CALN1: variants seen among roughly 807,000 people sequenced by gnomAD.
The protein encoded by CALN1 is calneuron 1, also known as calcium-binding protein 8.
Under a neutral mutation model 30.6 loss-of-function variants are expected in CALN1, and 17 were observed. The ratio of observed to expected loss-of-function variants is 0.56; its 90% CI spans 0.38 to 0.83. The LOEUF (loss-of-function observed/expected upper bound fraction) is 0.83. Among genes scored for constraint, CALN1 ranks in the 40% least tolerant of loss-of-function variants. CALN1 has a pLI of 0.00. For synonymous variants in CALN1, 156 were observed against 131.4 expected (o/e 1.19, Z -1.28); for missense variants, 291 against 354.9 (o/e 0.82, Z 1.45).
intron 2 of CALN1, among the ~76,000 whole-genome samples, chr7:72,397,710 T>TCACA (rs1286894513): frequency 1.5e-3 from 84 of 57,326 alleles, no homozygotes; most frequent in African/African-American, 4.7e-3. Flanking sequence ...GCACCCATTC[T>TCACA]CTCTCACACA....
intron 5 of CALN1, among the ~76,000 whole-genome samples, chr7:71,937,632 T>G (rs573987953): frequency 7.2e-5 from 11 of 151,912 alleles, no homozygotes; most frequent in African/African-American, 2.7e-4. Context: ...GTGTGTACCA[T>G]TACATCCAGC....
rs148188209 is a variant in CALN1 at position 72,256,025 on chromosome 7, G to A, written c.244+22661C>T. ...TTACAGGCGTGAGCCACCGCGCCCT[G>A]CCTAAATAAATATTCTTTAAGGAGA... On this transcript the variant is annotated intron_variant, in intron 3 of 6. Coordinates refer to ENST00000395275, the MANE Select transcript of CALN1 (RefSeq NM_031468.4). Among the ~76,000 whole-genome samples the A allele has an allele frequency of 4.6e-3, 699 of 152,326 alleles. 4 individuals carry two copies. Among genetic ancestry groups the A allele is most frequent in the Non-Finnish European group, 7.4e-3 (503 of 68,034 alleles).
chr7:72,144,847 A>G (rs1337709069), intron 3 of CALN1, among the ~76,000 whole-genome samples: 2 of 152,160 alleles, frequency 1.3e-5, no homozygotes, highest in Non-Finnish European at 2.9e-5. Context: ...CTACACGGAA[A>G]CAACAACCTG....
intron 3 of CALN1, among the ~76,000 whole-genome samples, chr7:72,211,681 T>C (rs138710024): frequency 1.3e-5 from 2 of 152,348 alleles, no homozygotes; most frequent in African/African-American, 4.8e-5. Context: ...TCATTGCATG[T>C]GCTTGTTCCT....
At chr7:72,399,066 GAGGTCACCATCTAC>G (rs928485855) in intron 2 of CALN1, among the ~76,000 whole-genome samples, 1 of 152,062 alleles carries the variant, frequency 6.6e-6, no homozygotes, top group African/African-American at 2.4e-5. Flanking sequence ...AGAAGAGAAG[GAGGTCACCATCTAC>G]AGGTCACCTC....
At chr7:72,214,146 A>G (rs947953258) in intron 3 of CALN1, among the ~76,000 whole-genome samples, 9 of 152,232 alleles carry the variant, frequency 5.9e-5, no homozygotes, top group South Asian at 2.1e-4. Flanking sequence ...GTTTACCACC[A>G]TAACTATTGA....
intron 5 of CALN1, among the ~76,000 whole-genome samples, chr7:71,982,499 C>T (rs930903538): frequency 6.6e-6 from 1 of 152,124 alleles, no homozygotes; most frequent in African/African-American, 2.4e-5. Context: ...GAGGCTGAGG[C>T]AGGAGAATCA....
intron 5 of CALN1, among the ~76,000 whole-genome samples, chr7:71,947,236 C>G (rs1035463602): frequency 3.3e-4 from 50 of 152,264 alleles, no homozygotes; most frequent in Non-Finnish European, 4.3e-4. Context: ...GTCTCAAACT[C>G]CTGACCTCAG....
intron 3 of CALN1, among the ~76,000 whole-genome samples, chr7:72,191,876 G>T (rs557420353): frequency 6.6e-6 from 1 of 152,156 alleles, no homozygotes; most frequent in African/African-American, 2.4e-5. Flanking sequence ...CACGCTCCCC[G>T]CTAGGCTAGC....
At chr7:72,224,456 G>T (rs1033653701) in intron 3 of CALN1, among the ~76,000 whole-genome samples, 1 of 152,138 alleles carries the variant, frequency 6.6e-6, no homozygotes, top group Non-Finnish European at 1.5e-5. Context: ...TAAAACCCGT[G>T]AACTAAAGGA....
At chr7:72,066,449 T>TTCAC (rs1477982532) in intron 4 of CALN1, among the ~76,000 whole-genome samples, 2 of 152,148 alleles carry the variant, frequency 1.3e-5, no homozygotes, top group Non-Finnish European at 2.9e-5. Flanking sequence ...TTTGGTGAAA[T>TTCAC]CCAGATTCAC....
intron 5 of CALN1, among the ~76,000 whole-genome samples, chr7:72,005,894 TAC>T (rs901496638): frequency 1.3e-5 from 2 of 151,430 alleles, no homozygotes; most frequent in African/African-American, 4.8e-5. Context: ...CACAGAAACC[TAC>T]ACACATGTGA....
At chr7:72,045,867 G>A (rs1255768704) in intron 4 of CALN1, among the ~76,000 whole-genome samples, 2 of 151,802 alleles carry the variant, frequency 1.3e-5, no homozygotes, top group African/African-American at 2.4e-5. Context: ...GGGTGTGGTG[G>A]CAGTTGCCTG....
intron 4 of CALN1, among the ~76,000 whole-genome samples, chr7:72,065,128 A>G (rs889059361): frequency 1.3e-5 from 2 of 148,162 alleles, no homozygotes; most frequent in East Asian, 1.9e-4. Flanking sequence ...TATATGTAAA[A>G]TATATTTATA....
At chr7:72,108,019 C>G (rs1049599243) in intron 3 of CALN1, among the ~76,000 whole-genome samples, 8 of 152,202 alleles carry the variant, frequency 5.3e-5, no homozygotes, top group African/African-American at 1.9e-4. Flanking sequence ...CAATAGAAAT[C>G]TATTCTCTCA....
intron 3 of CALN1, among the ~76,000 whole-genome samples, chr7:72,164,134 A>G (rs2129545018): frequency 6.6e-6 from 1 of 152,200 alleles, no homozygotes; most frequent in East Asian, 1.9e-4. Flanking sequence ...CAGGGAGGCC[A>G]AGGTGGGCAG....
At chr7:72,029,118 T>C (rs949061627) in intron 4 of CALN1, among the ~76,000 whole-genome samples, 1 of 152,166 alleles carries the variant, frequency 6.6e-6, no homozygotes, top group African/African-American at 2.4e-5. Flanking sequence ...TCTTTTGTTC[T>C]AATATTTGGT....
chr7:72,366,995 A>G (rs1206584121), intron 2 of CALN1, among the ~76,000 whole-genome samples: 2 of 152,244 alleles, frequency 1.3e-5, no homozygotes, highest in Admixed American at 6.5e-5. Flanking sequence ...TACCACAACA[A>G]TAGTGAATAA....
chr7:71,881,286 C>CA (rs1475563447), intron 5 of CALN1, among the ~76,000 whole-genome samples: 2 of 148,494 alleles, frequency 1.3e-5, no homozygotes, highest in African/African-American at 5.0e-5. Flanking sequence ...CCTCAGCTTA[C>CA]AGATGGCCTA....
Sources: gnomAD v4.1 joint callset for allele counts (sites outside exome capture counted in the v4.1 genomes callset) on GRCh38, gnomAD v4.1.1 for gene constraint, MANE v1.5 for transcripts, NCBI Gene and HGNC (gene_info 2026-07-23, HGNC 2026-07-21) for gene names.